The following MOV10L1 variants were observed in gnomAD, a reference collection of about 807,000 sequenced individuals.
The protein encoded by MOV10L1 is Mov10 like RNA helicase 1.
A neutral mutation model predicts 143.8 loss-of-function variants in MOV10L1; 110 were observed. The observed-to-expected ratio is 0.76, with a 90% CI of 0.66 to 0.90. The LOEUF is 0.90. Ranked by LOEUF, MOV10L1 falls within the 40% of genes least tolerant of loss-of-function variation. The pLI, the probability that MOV10L1 is intolerant of heterozygous loss-of-function variation, is 0.00. For synonymous variants in MOV10L1, 593 were observed against 581.1 expected (o/e 1.02, Z -0.29); for missense variants, 1,406 against 1,526.8 (o/e 0.92, Z 1.32).
intron 18 of MOV10L1, among the ~76,000 whole-genome samples, chr22:50,144,512 T>C (rs998643481): frequency 3.9e-5 from 6 of 152,262 alleles, no homozygotes; most frequent in African/African-American, 1.4e-4. Context: ...CATTCCTCTT[T>C]TATTTAATCC....
intron 3 of MOV10L1, among the ~76,000 whole-genome samples, chr22:50,105,017 T>G (rs1263605023): frequency 6.6e-6 from 1 of 151,778 alleles, no homozygotes; most frequent in Non-Finnish European, 1.5e-5. Flanking sequence ...TCAGCCTCCC[T>G]AGTAGCTGGG....
chr22:50,099,574 C>G lies in MOV10L1; in HGVS notation c.414C>G (p.Thr138=). ...VEGAGCISQT[T]YFSLESVCEG... is the part of the protein sequence containing the mutation. ...GCGCAGGCTGTATCAGTCAGACCACCTACTTCTCTCTGGAGAGTGTGTGCG... is the reference window on the plus strand; with the variant it reads ...GCGCAGGCTGTATCAGTCAGACCACGTACTTCTCTCTGGAGAGTGTGTGCG... The change falls in exon 3 of 27, where the codon ACC becomes ACG. Residue 138 remains threonine, a synonymous_variant. Transcript: ENST00000262794. 4 of 1,613,792 alleles carry G rather than the reference C, an allele frequency of 2.5e-6. No homozygotes were observed. The highest frequency in any genetic ancestry group is 3.4e-6 in the Non-Finnish European group (4 of 1,179,700).
At position 50,090,018 on chromosome 22, in the gene MOV10L1, C is replaced by A. The variant is rs1346391950; in HGVS notation, c.-71C>A. The A allele has an allele frequency of 3.0e-5, 33 of 1,117,864 alleles. No individual in the cohort carries two copies. Among genetic ancestry groups the A allele is most frequent in the East Asian group, 4.7e-5 (1 of 21,388 alleles). 69.2% of individuals were successfully genotyped at this position (1,117,864 alleles called of 1,614,324 possible). On this transcript the variant is annotated 5_prime_UTR_variant, in exon 1 of 27. Coordinates refer to ENST00000262794, the MANE Select transcript of MOV10L1 (RefSeq NM_018995.3). ...GCGCGGCGACCCCATTGGTGGCGGG[C>A]GGCGGGAGCGGCGCGGGCGCGTGCG...
intron 19 of MOV10L1, among the ~76,000 whole-genome samples, chr22:50,146,659 C>T (rs2063160256): frequency 2.0e-5 from 3 of 151,986 alleles, no homozygotes; most frequent in Non-Finnish European, 4.4e-5. Flanking sequence ...CCCTCCCTGA[C>T]AGCCTGGAGA....
intron 2 of MOV10L1, among the ~76,000 whole-genome samples, chr22:50,096,989 T>G (rs2062605863): frequency 6.6e-6 from 1 of 152,268 alleles, no homozygotes; most frequent in Non-Finnish European, 1.5e-5. Context: ...AAGTCTAATT[T>G]GTCTCTTTTA....
At chr22:50,106,610 T>G (rs1159571003) in intron 3 of MOV10L1, among the ~76,000 whole-genome samples, 12 of 151,978 alleles carry the variant, frequency 7.9e-5, no homozygotes, top group Non-Finnish European at 2.9e-5. Flanking sequence ...TTCTGTTAAT[T>G]GTGGAATAAA....
chr22:50,139,226 AAACT>A (rs1164016909), intron 15 of MOV10L1, among the ~76,000 whole-genome samples: 1 of 152,076 alleles, frequency 6.6e-6, no homozygotes, highest in African/African-American at 2.4e-5. Flanking sequence ...GCGCAGACAA[AAACT>A]AACTTACTCT....
intron 11 of MOV10L1, 43 bp from the exon 12 acceptor site, chr22:50,126,159 A>T: frequency 7.1e-7 from 1 of 1,413,160 alleles, no homozygotes; most frequent in South Asian, 1.2e-5. Flanking sequence ...GAAATTTGTG[A>T]TTTTGTGTTA....
At chr22:50,160,902 G>A in intron 25 of MOV10L1, 62 bp from the exon 26 acceptor site, 1 of 1,613,138 alleles carries the variant, frequency 6.2e-7, no homozygotes. Flanking sequence ...AGACGTACGA[G>A]GCACCAGGAG....
rs554838847 is a variant in MOV10L1, at chr22:50,104,965, C to T, written c.443-3171C>T. On this transcript the variant is annotated intron_variant, in intron 3 of 26. Coordinates refer to ENST00000262794, the MANE Select transcript of MOV10L1 (RefSeq NM_018995.3). ...GGAATGCAGTGGCTCAGTCATAGCT[C>T]ATTGCAGCCTCAACCTCGTGGGCTC... 6.2e-3 allele frequency among the ~76,000 whole-genome samples: 940 copies of T among 150,854 alleles called. 3 individuals are homozygous for T. The highest frequency in any genetic ancestry group is 9.2e-3 in the Non-Finnish European group (627 of 67,842).
At chr22:50,090,278 G>A (rs892502594) in intron 1 of MOV10L1, 93 bp downstream of exon 1, 26 of 1,446,412 alleles carry the variant, frequency 1.8e-5, no homozygotes, top group Admixed American at 1.6e-4. Context: ...GTGCAGTGCG[G>A]GCCGGCAGGC....
intron 1 of MOV10L1, chr22:50,090,620 T>G (rs746416492): frequency 1.4e-6 from 2 of 1,423,764 alleles, no homozygotes; most frequent in Non-Finnish European, 1.9e-6. Flanking sequence ...CAAGCCCATC[T>G]TTCTAAAGCC....
intron 10 of MOV10L1, among the ~76,000 whole-genome samples, chr22:50,121,835 T>C (rs2062355773): frequency 6.6e-6 from 1 of 152,230 alleles, no homozygotes; most frequent in South Asian, 2.1e-4. Context: ...TGTAGTAAGT[T>C]TTGAAATCAG....
At chr22:50,141,427 C>G (rs901005008) in intron 15 of MOV10L1, among the ~76,000 whole-genome samples, 2 of 151,836 alleles carry the variant, frequency 1.3e-5, no homozygotes, top group African/African-American at 2.4e-5. Context: ...CTCCTGGGCT[C>G]AAGTGATCCT....
At chr22:50,151,008 C>T in intron 21 of MOV10L1, 109 bp downstream of exon 21, 1 of 1,422,472 alleles carries the variant, frequency 7.0e-7, no homozygotes, top group South Asian at 1.3e-5. Context: ...CATCCGTGGG[C>T]AGAGTGCAGG....
intron 15 of MOV10L1, among the ~76,000 whole-genome samples, chr22:50,141,398 C>G (rs1028974638): frequency 1.3e-5 from 2 of 151,770 alleles, no homozygotes; most frequent in African/African-American, 4.8e-5. Context: ...CGCCCAATCT[C>G]CACTCACTGC....
chr22:50,161,388 A>G lies in MOV10L1; in HGVS notation c.3575A>G (p.Asp1192Gly), dbSNP rs1602386720. 1.3e-6 allele frequency: 2 copies of G among 1,599,494 alleles called. No homozygotes were observed. The highest frequency in any genetic ancestry group is 1.7e-4 in the Middle Eastern group (1 of 6,038). The change falls in exon 27 of 27, where the codon GAC becomes GGC. Residue 1192 changes from aspartate (D) to glycine (G), a missense_variant. Transcript: ENST00000262794. Reference sequence around the variant, plus strand: ...TACAGCTGTGGCGAGGGGGTGGCAGACCCCTCCTACCCAGTGGTGCCAGAA... The same window carrying G: ...TACAGCTGTGGCGAGGGGGTGGCAGGCCCCTCCTACCCAGTGGTGCCAGAA... Reference protein sequence around the residue: ...SLQNCGEGVADPSYPVVPEST... With the variant: ...SLQNCGEGVAGPSYPVVPEST...
intron 3 of MOV10L1, among the ~76,000 whole-genome samples, chr22:50,099,979 T>G (rs1309252790): frequency 5.3e-5 from 8 of 151,220 alleles, no homozygotes; most frequent in East Asian, 2.0e-4. Flanking sequence ...CTGTTTTGTT[T>G]TTTTTGTTTT....
chr22:50,126,266 G>A lies in MOV10L1; in HGVS notation c.1812G>A (p.Val604=). 1 of 1,611,398 alleles carries A rather than the reference G, an allele frequency of 6.2e-7. No individual in the cohort carries two copies. Among genetic ancestry groups the A allele is most frequent in the Non-Finnish European group, 8.5e-7 (1 of 1,177,564 alleles). The change falls in exon 12 of 27, where the codon GTG becomes GTA. Residue 604 remains valine, a synonymous_variant. Coordinates refer to ENST00000262794, the MANE Select transcript of MOV10L1 (RefSeq NM_018995.3). The part of the protein sequence containing the change: ...NGHAIEYISY[V]TEIHEEDVTL... ...ATGCCATCGAATACATCAGCTACGTGACTGAGGTGAGAGCACTCTCTCTTA... is the reference window on the plus strand; with the variant it reads ...ATGCCATCGAATACATCAGCTACGTAACTGAGGTGAGAGCACTCTCTCTTA...
Sources: gnomAD v4.1 joint callset for allele counts (sites outside exome capture counted in the v4.1 genomes callset) on GRCh38, gnomAD v4.1.1 for gene constraint, MANE v1.5 for transcripts, NCBI Gene and HGNC (gene_info 2026-07-23, HGNC 2026-07-21) for gene names.